GABRA2: variants seen among roughly 807,000 people sequenced by gnomAD.
The protein encoded by GABRA2 is gamma-aminobutyric acid receptor subunit alpha-2.
Under a neutral mutation model 48.7 loss-of-function variants are expected in GABRA2, and 16 were observed. The ratio of observed to expected loss-of-function variants is 0.33; its 90% confidence interval spans 0.22 to 0.50. GABRA2 has a LOEUF of 0.50. Ranked by LOEUF, GABRA2 falls within the 20% of genes least tolerant of loss-of-function variation. The pLI is 0.98. For synonymous variants in GABRA2, 185 were observed against 184.5 expected (o/e 1.00, Z -0.02); for missense variants, 275 against 535.6 (o/e 0.51, Z 4.80).
At chr4:46,283,511 T>C (rs983276349) in intron 8 of GABRA2, among the ~76,000 whole-genome samples, 4 of 152,178 alleles carry the variant, frequency 2.6e-5, no homozygotes, top group Non-Finnish European at 5.9e-5. Flanking sequence ...CAAACAACTG[T>C]ATTTGGGTTT....
Position 46,249,034 on chromosome 4 carries a change from A to ATTTGTGTGTGTGTGTGTG in GABRA2, c.*1273_*1274insCACACACACACACACAAA, listed in dbSNP as rs1714218837. ...ATTGTGTTTTCTAATTTAGCTGTGTATGTGTGTGTGTGTGTGTGTGTGTGT... is the reference window on the plus strand; with the variant it reads ...ATTGTGTTTTCTAATTTAGCTGTGTATTTGTGTGTGTGTGTGTGTGTGTGTGTGTGTGTGTGTGTGTGT... On this transcript the variant is annotated 3_prime_UTR_variant, in exon 10 of 10. Transcript: ENST00000381620. 2.8e-5 allele frequency: 4 copies of ATTTGTGTGTGTGTGTGTG among 143,330 alleles called. No homozygotes were observed. The highest frequency in any genetic ancestry group is 1.0e-4 in the African/African-American group (4 of 39,228). 8.9% of individuals were successfully genotyped at this position (143,330 alleles called of 1,614,324 possible).
At chr4:46,363,680 T>A (rs1180982757) in intron 3 of GABRA2, 1 of 152,174 alleles carries the variant, frequency 6.6e-6, no homozygotes, top group African/African-American at 2.4e-5. Flanking sequence ...AGTAAGATTT[T>A]TAATAAAGAT....
In GABRA2 at chr4:46,312,626, A is replaced by G. The variant is rs1490061716; in HGVS notation, c.346T>C (p.Leu116=). Reference sequence around the variant, plus strand: ...GGAGTCCAGATTTTGCTAGCCATTAAATTGTTTAGTCGAAGGATATTCATA... The same window carrying G: ...GGAGTCCAGATTTTGCTAGCCATTAGATTGTTTAGTCGAAGGATATTCATA... ...GPMNILRLNN[L]MASKIWTPDT... The change falls in exon 5 of 10, where the codon TTA becomes CTA. Residue 116 remains leucine (L), a synonymous_variant. Transcript: ENST00000381620. 6.4e-7 allele frequency: 1 copy of G among 1,569,824 alleles called. No homozygotes were observed. Among genetic ancestry groups the G allele is most frequent in the Non-Finnish European group, 8.6e-7 (1 of 1,161,742 alleles).
At chr4:46,349,569 T>G (rs187145946) in intron 3 of GABRA2, among the ~76,000 whole-genome samples, 1 of 151,924 alleles carries the variant, frequency 6.6e-6, no homozygotes, top group Non-Finnish European at 1.5e-5. Flanking sequence ...TCAAGTAGAG[T>G]TTGGTTTTCA....
intron 3 of GABRA2, among the ~76,000 whole-genome samples, chr4:46,372,527 T>C (rs1424691411): frequency 6.6e-6 from 1 of 152,148 alleles, no homozygotes; most frequent in African/African-American, 2.4e-5. Flanking sequence ...AGCCACCTTT[T>C]TAAGAACTCA....
At chr4:46,297,902 C>A (rs1725045703) in intron 8 of GABRA2, among the ~76,000 whole-genome samples, 1 of 151,974 alleles carries the variant, frequency 6.6e-6, no homozygotes, top group South Asian at 2.1e-4. Context: ...TTTGACTTCA[C>A]TGCATCTCGT....
chr4:46,374,770 G>A lies in GABRA2; in HGVS notation c.187+11304C>T, dbSNP rs113454034. On this transcript the variant is annotated intron_variant, in intron 3 of 9. Coordinates refer to ENST00000381620, the MANE Select transcript of GABRA2 (RefSeq NM_000807.4). ...GAAGGGACATCTTACTTTTTATTACGTTTTAAATCAAATTATTAATGCCCT... is the reference window on the plus strand; with the variant it reads ...GAAGGGACATCTTACTTTTTATTACATTTTAAATCAAATTATTAATGCCCT... Among the ~76,000 whole-genome samples the A allele has an allele frequency of 2.1e-3, 316 of 151,500 alleles. 1 individual carries two copies. The highest frequency in any genetic ancestry group is 6.5e-3 in the African/African-American group (270 of 41,322).
intron 3 of GABRA2, among the ~76,000 whole-genome samples, chr4:46,340,475 A>G (rs993068665): frequency 1.8e-4 from 28 of 151,942 alleles, no homozygotes; most frequent in African/African-American, 6.5e-4. Flanking sequence ...AATCCCTTCT[A>G]TTCTATTCTA....
chr4:46,313,365 T>C (rs1397682017), intron 4 of GABRA2, among the ~76,000 whole-genome samples: 1 of 152,006 alleles, frequency 6.6e-6, no homozygotes. Context: ...CAAGACTGTC[T>C]TAGGAGATAA....
intron 8 of GABRA2, among the ~76,000 whole-genome samples, chr4:46,274,561 G>T (rs1400700381): frequency 1.3e-5 from 2 of 152,052 alleles, no homozygotes; most frequent in African/African-American, 4.8e-5. Flanking sequence ...TTGTGCCACA[G>T]CAATGATGTG....
rs1333184079 is a variant in GABRA2, at chr4:46,296,100, T to G, written c.856+7360A>C. Reference sequence around the variant, plus strand: ...CAAAGCCAACTAGGTGACAATACTTTGCAGGGCTGGGGCAAAGTTCTCCAG... The same window carrying G: ...CAAAGCCAACTAGGTGACAATACTTGGCAGGGCTGGGGCAAAGTTCTCCAG... On this transcript the variant is annotated intron_variant, in intron 8 of 9. Coordinates refer to ENST00000381620, the MANE Select transcript of GABRA2 (RefSeq NM_000807.4). Among the ~76,000 whole-genome samples the G allele has an allele frequency of 2.0e-5, 3 of 152,134 alleles. No individual in the cohort carries two copies. The East Asian group carries it at 5.8e-4, about 29-fold the overall frequency.
intron 9 of GABRA2, 105 bp downstream of exon 9, chr4:46,261,821 A>T: frequency 2.2e-6 from 2 of 925,506 alleles, no homozygotes; most frequent in Non-Finnish European, 3.5e-6. Context: ...TCAAATTCAT[A>T]TATATATGGA....
In GABRA2 at chr4:46,315,902, C is replaced by T. The variant is rs140661739; in HGVS notation, c.256-3186G>A. On this transcript the variant is annotated intron_variant, in intron 4 of 9. Coordinates refer to ENST00000381620, the MANE Select transcript of GABRA2 (RefSeq NM_000807.4). ...AAATAAGTATCTTGAGTTTAGTGTACACCCTTCCCATACATGTACTTTCAC... is the reference window on the plus strand; with the variant it reads ...AAATAAGTATCTTGAGTTTAGTGTATACCCTTCCCATACATGTACTTTCAC... 4.4e-3 allele frequency among the ~76,000 whole-genome samples: 669 copies of T among 151,240 alleles called. 4 individuals carry two copies. Among genetic ancestry groups the T allele is most frequent in the South Asian group, 0.02 (96 of 4,806 alleles).
intron 4 of GABRA2, among the ~76,000 whole-genome samples, chr4:46,327,798 C>T (rs1035438507): frequency 1.3e-5 from 2 of 151,984 alleles, no homozygotes; most frequent in African/African-American, 4.8e-5. Context: ...GTCATACTTA[C>T]CAGACTGCCT....
chr4:46,332,823 A>C (rs544628277), intron 3 of GABRA2, 141 bp from the exon 4 acceptor site: 92 of 543,774 alleles, frequency 1.7e-4, no homozygotes, highest in Middle Eastern at 4.9e-4. Context: ...CAACTTTCGC[A>C]ACCATAATGA....
intron 8 of GABRA2, among the ~76,000 whole-genome samples, chr4:46,290,953 A>C (rs543500280): frequency 6.6e-6 from 1 of 152,260 alleles, no homozygotes; most frequent in East Asian, 1.9e-4. Flanking sequence ...GTCTTGGTGT[A>C]TAATCTTTTA....
chr4:46,388,946 C>G, intron 1 of GABRA2: 1 of 1,126,164 alleles, frequency 8.9e-7, no homozygotes, highest in Non-Finnish European at 1.1e-6. Context: ...TTCTTTCTTT[C>G]TTTCTTTAAC....
chr4:46,368,926 AT>A (rs1560590102), intron 3 of GABRA2: 1 of 692,192 alleles, frequency 1.4e-6, no homozygotes, highest in East Asian at 2.7e-5. Context: ...TGTTCTGCCC[AT>A]GGAGAGCATT....
intron 4 of GABRA2, among the ~76,000 whole-genome samples, chr4:46,317,640 A>T (rs1728760486): frequency 6.6e-6 from 1 of 151,700 alleles, no homozygotes; most frequent in Non-Finnish European, 1.5e-5. Context: ...TGGATTCAGA[A>T]GATTACTGAT....
Sources: allele counts gnomAD v4.1 joint callset (sites outside exome capture counted in the v4.1 genomes callset), GRCh38; gene constraint gnomAD v4.1.1; transcripts MANE v1.5; gene names NCBI Gene and HGNC (gene_info 2026-07-23, HGNC 2026-07-21).